MGMT: variants seen among roughly 807,000 people sequenced by gnomAD.
MGMT encodes the protein methylated-DNA--protein-cysteine methyltransferase.
A neutral mutation model predicts 15.9 loss-of-function variants in MGMT; 14 were observed. The observed-to-expected ratio is 0.88, with a 90% confidence interval of 0.58 to 1.37. The LOEUF is 1.37. MGMT is among the 40% of genes most tolerant of loss of function. The pLI is 0.00. For missense variants in MGMT, 282 were observed against 268.1 expected (o/e 1.05, Z -0.36); for synonymous variants, 130 against 118.2 (o/e 1.10, Z -0.65).
chr10:129,627,851 C>T (rs1218805005), intron 2 of MGMT, among the ~76,000 whole-genome samples: 1 of 152,130 alleles, frequency 6.6e-6, no homozygotes, highest in African/African-American at 2.4e-5. Context: ...TGATTGTGGG[C>T]CAGGAGTTAT....
chr10:129,576,685 G>T (rs1052812558), intron 2 of MGMT, among the ~76,000 whole-genome samples: 1 of 152,172 alleles, frequency 6.6e-6, no homozygotes, highest in African/African-American at 2.4e-5. Flanking sequence ...GTTCTGGCCA[G>T]GGCAATCAGG....
At position 129,585,395 on chromosome 10, in the gene MGMT, G is replaced by A. The variant is rs181110943; in HGVS notation, c.125+49018G>A. 9.2e-5 allele frequency among the ~76,000 whole-genome samples: 14 copies of A among 152,290 alleles called. No individual in the cohort carries two copies. In the East Asian group the frequency reaches 2.7e-3, roughly 29 times the overall value. ...ACAGTAGTTCCCCCTTAGTCATGGG[G>A]AATATGTTACAAGAACACCAGCAGA... On this transcript the variant is annotated intron_variant, in intron 2 of 4. Coordinates refer to ENST00000651593, the MANE Select transcript of MGMT (RefSeq NM_002412.5).
intron 4 of MGMT, among the ~76,000 whole-genome samples, chr10:129,759,668 C>T (rs968395949): frequency 2.6e-5 from 4 of 152,070 alleles, no homozygotes; most frequent in African/African-American, 9.7e-5. Context: ...AGGAGGTGGA[C>T]GTGTTGGGTG....
At chr10:129,501,308 T>C (rs550123107) in intron 1 of MGMT, among the ~76,000 whole-genome samples, 1 of 152,294 alleles carries the variant, frequency 6.6e-6, no homozygotes, top group African/African-American at 2.4e-5. Flanking sequence ...GAGGATGCCT[T>C]TATTATCTCT....
At chr10:129,671,770 G>A (rs141611915) in intron 2 of MGMT, among the ~76,000 whole-genome samples, 11 of 152,234 alleles carry the variant, frequency 7.2e-5, no homozygotes, top group Admixed American at 2.0e-4. Context: ...CGTCATTGCC[G>A]AACACGTGAA....
chr10:129,650,608 G>A (rs1301798039), intron 2 of MGMT, among the ~76,000 whole-genome samples: 1 of 152,216 alleles, frequency 6.6e-6, no homozygotes, highest in Non-Finnish European at 1.5e-5. Flanking sequence ...AACATGAAAT[G>A]TTGGAAGTGG....
chr10:129,767,293 C>T lies in MGMT; in HGVS notation c.*296C>T. ...CACAGCCCAGGATGGGGCAGTCTGG[C>T]ACCCTCAGGCCACAGACGGCTGCCA... is the stretch of plus-strand genomic sequence containing the variant. On this transcript the variant is annotated 3_prime_UTR_variant, in exon 5 of 5. Coordinates refer to ENST00000651593, the MANE Select transcript of MGMT (RefSeq NM_002412.5). The T allele has an allele frequency of 4.0e-6, 1 of 252,838 alleles. No individual in the cohort carries two copies. The highest frequency in any genetic ancestry group is 7.5e-6 in the Non-Finnish European group (1 of 133,210). The allele number at this position is 252,838 out of a possible 1,614,324, so 15.7% of individuals were successfully genotyped here.
chr10:129,514,979 G>A (rs946541528), intron 1 of MGMT, among the ~76,000 whole-genome samples: 4 of 152,176 alleles, frequency 2.6e-5, no homozygotes, highest in South Asian at 2.1e-4. Context: ...CAGATTTTCC[G>A]GAAGCTGTGT....
At chr10:129,741,802 G>T (rs1434246012) in intron 3 of MGMT, among the ~76,000 whole-genome samples, 1 of 152,168 alleles carries the variant, frequency 6.6e-6, no homozygotes, top group East Asian at 1.9e-4. Flanking sequence ...AGCTGCAGAA[G>T]CTGGGCTGGC....
chr10:129,585,276 C>T (rs1163258622), intron 2 of MGMT, among the ~76,000 whole-genome samples: 1 of 152,168 alleles, frequency 6.6e-6, no homozygotes, highest in Non-Finnish European at 1.5e-5. Context: ...TTCACAATTA[C>T]AGAAGGCCAC....
At chr10:129,755,317 G>C (rs1340690815) in intron 3 of MGMT, among the ~76,000 whole-genome samples, 1 of 152,210 alleles carries the variant, frequency 6.6e-6, no homozygotes, top group African/African-American at 2.4e-5. Flanking sequence ...CCAGCTCCTG[G>C]GGATTCCCCT....
chr10:129,732,706 C>A (rs1021570316), intron 3 of MGMT, among the ~76,000 whole-genome samples: 3 of 126,332 alleles, frequency 2.4e-5, no homozygotes, highest in Admixed American at 9.6e-5. Flanking sequence ...ATCCCTCCCC[C>A]GTCCCCCCAC....
intron 2 of MGMT, among the ~76,000 whole-genome samples, chr10:129,634,784 C>G (rs1311976042): frequency 1.3e-5 from 2 of 152,074 alleles, no homozygotes; most frequent in Admixed American, 6.6e-5. Flanking sequence ...ATCTTAACAT[C>G]TGAGTTAGTT....
At chr10:129,565,920 T>G (rs1846349412) in intron 2 of MGMT, among the ~76,000 whole-genome samples, 1 of 152,062 alleles carries the variant, frequency 6.6e-6, no homozygotes, top group African/African-American at 2.4e-5. Context: ...CGGAGCGTCT[T>G]TAGAGTGACC....
rs1293188269 is a variant in MGMT at position 129,518,325 on chromosome 10, G to GACACACACACAC, written c.-12-17915_-12-17914insCACACACACACA. Among the ~76,000 whole-genome samples, 320 of 88,092 alleles carry GACACACACACAC rather than the reference G, an allele frequency of 3.6e-3. 9 individuals are homozygous for GACACACACACAC. Among genetic ancestry groups the GACACACACACAC allele is most frequent in the African/African-American group, 0.014 (304 of 22,422 alleles). The allele number at this position is 88,092 out of a possible 152,430, so 57.8% of individuals were successfully genotyped here. On this transcript the variant is annotated intron_variant, in intron 1 of 4. Transcript: ENST00000651593. ...GAAAATTCTAAATGATGTGTGTACA[G>GACACACACACAC]ATACACACACATACACACACACACA...
chr10:129,531,596 A>G (rs1845932594), intron 1 of MGMT, among the ~76,000 whole-genome samples: 1 of 152,108 alleles, frequency 6.6e-6, no homozygotes, highest in African/African-American at 2.4e-5. Context: ...TCTGTCCTGT[A>G]GAGGCCTCAG....
chr10:129,769,297 C>T lies in MGMT; in HGVS notation c.*2300C>T, dbSNP rs1480675184. On this transcript the variant is annotated 3_prime_UTR_variant, in exon 5 of 5. Coordinates refer to ENST00000651593, the MANE Select transcript of MGMT (RefSeq NM_002412.5). Reference sequence around the variant, plus strand: ...CTCCAAGGACAAGCTCTGCCGAGGCCGACATGAAAAGCCAGCACGCGGGTC... The same window carrying T: ...CTCCAAGGACAAGCTCTGCCGAGGCTGACATGAAAAGCCAGCACGCGGGTC... The T allele has an allele frequency of 2.0e-5, 3 of 152,206 alleles. No homozygotes were observed. Among genetic ancestry groups the T allele is most frequent in the South Asian group, 4.1e-4 (2 of 4,820 alleles). 9.4% of individuals were successfully genotyped at this position (152,206 alleles called of 1,614,324 possible). A position where few individuals can be genotyped will look rare whatever the true frequency, so the allele number is the denominator to read the frequency against.
intron 1 of MGMT, among the ~76,000 whole-genome samples, chr10:129,483,887 T>C (rs1290303003): frequency 6.6e-6 from 1 of 152,052 alleles, no homozygotes; most frequent in African/African-American, 2.4e-5. Context: ...TAAATAGATA[T>C]ATAGATAGAT....
intron 2 of MGMT, among the ~76,000 whole-genome samples, chr10:129,597,726 AG>A (rs1376504602): frequency 6.6e-6 from 1 of 152,126 alleles, no homozygotes; most frequent in Non-Finnish European, 1.5e-5. Flanking sequence ...CATTTTTTAA[AG>A]GGTTGTAGGA....
Sources: gnomAD v4.1 joint callset for allele counts (sites outside exome capture counted in the v4.1 genomes callset) on GRCh38, gnomAD v4.1.1 for gene constraint, MANE v1.5 for transcripts, NCBI Gene and HGNC (gene_info 2026-07-23, HGNC 2026-07-21) for gene names.